NCEH1: variants seen among roughly 807,000 people sequenced by gnomAD.
NCEH1 encodes 2-acetyl MAGE hydrolase.
NCEH1 carries 9 observed loss-of-function variants against 25.4 expected under a neutral mutation model. The observed-to-expected ratio is 0.35, with a 90% CI of 0.21 to 0.62. The LOEUF (loss-of-function observed/expected upper bound fraction) is 0.62. Ranked by LOEUF, NCEH1 falls within the 20% of genes least tolerant of loss-of-function variation. The pLI is 0.72. For missense variants in NCEH1, 412 were observed against 501.1 expected, an observed-to-expected ratio of 0.82 and a Z score of 1.70; for synonymous variants, 200 against 199.8, an observed-to-expected ratio of 1.00 and a Z score of -0.01.
At chr3:172,660,931 A>G (rs1257039701) in intron 1 of NCEH1, among the ~76,000 whole-genome samples, 1 of 152,184 alleles carries the variant, frequency 6.6e-6, no homozygotes, top group African/African-American at 2.4e-5. Flanking sequence ...CTGCCTGTTC[A>G]CTTTGATGGT....
intron 1 of NCEH1, among the ~76,000 whole-genome samples, chr3:172,687,128 T>C (rs958822596): frequency 1.1e-4 from 16 of 152,160 alleles, no homozygotes; most frequent in Non-Finnish European, 8.8e-5. Context: ...TCCAACCAAA[T>C]AGGCCTACTT....
intron 1 of NCEH1, among the ~76,000 whole-genome samples, chr3:172,706,280 T>G (rs1244785042): frequency 6.6e-6 from 1 of 152,146 alleles, no homozygotes; most frequent in East Asian, 1.9e-4. Flanking sequence ...AAAAAAATCA[T>G]GTTTTAAATT....
Position 172,711,062 on chromosome 3 carries a change from G to A in NCEH1, c.-78C>T, listed in dbSNP as rs760870451. 7.6e-5 allele frequency: 123 copies of A among 1,608,538 alleles called. No homozygotes were observed. The highest frequency in any genetic ancestry group is 9.8e-5 in the Non-Finnish European group (115 of 1,176,016). ...ACCCGGAGACCTCCGGCAACTTTCT[G>A]CCCGCGGCAGCTGCTCATTCACGCG... On this transcript the variant is annotated 5_prime_UTR_variant, in exon 1 of 5. Coordinates refer to ENST00000475381, the MANE Select transcript of NCEH1 (RefSeq NM_020792.6).
chr3:172,667,167 G>A (rs1195535082), intron 1 of NCEH1, among the ~76,000 whole-genome samples: 1 of 152,198 alleles, frequency 6.6e-6, no homozygotes, highest in Non-Finnish European at 1.5e-5. Flanking sequence ...GTCTTCTGTG[G>A]CCAAATTTTA....
chr3:172,706,495 TTTTC>T (rs1245654514), intron 1 of NCEH1, among the ~76,000 whole-genome samples: 1 of 145,702 alleles, frequency 6.9e-6, no homozygotes, highest in Non-Finnish European at 1.5e-5. Flanking sequence ...GTTCTTACAT[TTTTC>T]TTTTTTTTTT....
At chr3:172,666,356 A>T (rs1718208505) in intron 1 of NCEH1, among the ~76,000 whole-genome samples, 1 of 152,184 alleles carries the variant, frequency 6.6e-6, no homozygotes, top group South Asian at 2.1e-4. Context: ...TGCAGGCTAC[A>T]TAAATGACAC....
chr3:172,684,453 A>G (rs1464966880), intron 1 of NCEH1, among the ~76,000 whole-genome samples: 2 of 151,836 alleles, frequency 1.3e-5, no homozygotes, highest in Admixed American at 6.6e-5. Context: ...ATGGCTCACT[A>G]AAGTGCAATT....
At chr3:172,653,069 A>C (rs980739319) in intron 1 of NCEH1, among the ~76,000 whole-genome samples, 1 of 152,136 alleles carries the variant, frequency 6.6e-6, no homozygotes, top group African/African-American at 2.4e-5. Context: ...CCAAATTTTA[A>C]GGGCCTAATG....
chr3:172,633,690 G>A lies in NCEH1; in HGVS notation c.1012C>T (p.Pro338Ser). ...IADQAVLQLLPKTYILTCEHD... is the reference protein window; with the variant it reads ...IADQAVLQLLSKTYILTCEHD... ...TCACACGTCAGAATGTAGGTCTTTG[G>A]GAGGAGCTGCAGCACTGCCTGGTCT... The change falls in exon 5 of 5, where the codon CCA becomes TCA. Residue 338 changes from proline (P) to serine (S), a missense_variant. Pro to Ser is a moderately conservative substitution (Grantham distance 74, BLOSUM62 -1). Around this residue, in one of 3 missense-constraint regions of NCEH1, gnomAD observed 210 missense variants for 258.2 expected, o/e 0.81. Coordinates refer to ENST00000475381, the MANE Select transcript of NCEH1 (RefSeq NM_020792.6). The A allele has an allele frequency of 1.2e-6, 2 of 1,614,206 alleles. No individual in the cohort carries two copies. The highest frequency in any genetic ancestry group is 8.5e-7 in the Non-Finnish European group (1 of 1,180,038).
Position 172,648,051 on chromosome 3 carries a change from A to G in NCEH1, c.202T>C (p.Ser68Pro). The change falls in exon 2 of 5, where the codon TCT (serine) becomes CCT (proline). Residue 68 changes from serine (S) to proline (P), a missense_variant. By Grantham distance (74) the Ser-to-Pro change is moderately conservative. Coordinates refer to ENST00000475381, the MANE Select transcript of NCEH1 (RefSeq NM_020792.6). ...HLLALNFIIV[S>P]FGKKSAWSSA... ...GACCACGCGCTTTTTTTGCCAAAAG[A>G]AACAATGATAAAATTCAGTGCCAGC... 6.2e-7 allele frequency: 1 copy of G among 1,614,126 alleles called. No homozygotes were observed. The highest frequency in any genetic ancestry group is 1.1e-5 in the South Asian group (1 of 91,060).
intron 1 of NCEH1, among the ~76,000 whole-genome samples, chr3:172,650,331 C>T (rs954593149): frequency 9.9e-5 from 15 of 151,996 alleles, no homozygotes; most frequent in Admixed American, 2.6e-4. Flanking sequence ...GGTGAGACCC[C>T]ATCTCTACTA....
chr3:172,683,076 C>A (rs993892377), intron 1 of NCEH1, among the ~76,000 whole-genome samples: 1 of 152,176 alleles, frequency 6.6e-6, no homozygotes, highest in Non-Finnish European at 1.5e-5. Context: ...TGGCCAGATG[C>A]GGTGGCTTAT....
At chr3:172,643,413 T>G (rs1009691690) in intron 3 of NCEH1, among the ~76,000 whole-genome samples, 1 of 152,274 alleles carries the variant, frequency 6.6e-6, no homozygotes, top group Middle Eastern at 3.4e-3. Context: ...CAACCCCATT[T>G]TGCACATGAG....
chr3:172,665,229 G>A (rs1049461314), intron 1 of NCEH1, among the ~76,000 whole-genome samples: 2 of 152,200 alleles, frequency 1.3e-5, no homozygotes, highest in African/African-American at 4.8e-5. Flanking sequence ...CTCAGCTGCA[G>A]GTCTGTTGGA....
intron 1 of NCEH1, among the ~76,000 whole-genome samples, chr3:172,669,899 T>C (rs1248443345): frequency 1.3e-5 from 2 of 152,222 alleles, no homozygotes; most frequent in African/African-American, 2.4e-5. Context: ...TCATCCATAA[T>C]ATTAGTTGAT....
At chr3:172,691,496 CT>C (rs1713034853) in intron 1 of NCEH1, among the ~76,000 whole-genome samples, 1 of 152,306 alleles carries the variant, frequency 6.6e-6, no homozygotes, top group Non-Finnish European at 1.5e-5. Flanking sequence ...TGAGTGTTTA[CT>C]TTGTGCCAGG....
intron 1 of NCEH1, among the ~76,000 whole-genome samples, chr3:172,666,447 C>A (rs1396169649): frequency 6.6e-6 from 1 of 152,218 alleles, no homozygotes; most frequent in Non-Finnish European, 1.5e-5. Context: ...AACCACTTTT[C>A]TGCCACACAC....
chr3:172,666,755 A>G (rs1430010181), intron 1 of NCEH1, among the ~76,000 whole-genome samples: 1 of 152,170 alleles, frequency 6.6e-6, no homozygotes, highest in Non-Finnish European at 1.5e-5. Flanking sequence ...ATCCTGTTGC[A>G]AAACCTTCCT....
At chr3:172,659,670 A>T (rs928960110) in intron 1 of NCEH1, among the ~76,000 whole-genome samples, 2 of 152,178 alleles carry the variant, frequency 1.3e-5, no homozygotes, top group Non-Finnish European at 2.9e-5. Context: ...CCTACATCAT[A>T]AAACTAGAAG....
Sources: gnomAD v4.1 joint callset for allele counts (sites outside exome capture counted in the v4.1 genomes callset) on GRCh38, gnomAD v4.1.1 for gene constraint, gnomAD v4.1.1 regional missense constraint, MANE v1.5 for transcripts, NCBI Gene and HGNC (gene_info 2026-07-23, HGNC 2026-07-21) for gene names.